The following UGT1A9 variants were observed in gnomAD, a reference collection of about 807,000 sequenced individuals.
UGT1A9 encodes the protein UDP-glucuronosyltransferase 1A9.
UGT1A9 carries 35 observed loss-of-function variants against 45.0 expected under a neutral mutation model. That is an observed-to-expected ratio of 0.78 (90% CI 0.59 to 1.03). The LOEUF is 1.03. Ranked by LOEUF, UGT1A9 falls within the 50% of genes least tolerant of loss-of-function variation. UGT1A9 has a pLI of 0.00. For synonymous variants in UGT1A9, 278 were observed against 250.6 expected, an observed-to-expected ratio of 1.11 and a Z score of -1.03; for missense variants, 687 against 666.6, an observed-to-expected ratio of 1.03 and a Z score of -0.34.
At chr2:233,692,597 A>T (rs1335313485) in intron 1 of UGT1A9, among the ~76,000 whole-genome samples, 3 of 152,220 alleles carry the variant, frequency 2.0e-5, no homozygotes, top group African/African-American at 7.2e-5. Context: ...TCCGTGTGCA[A>T]GAAAAATTCC....
At chr2:233,738,596 A>G (rs545904932) in intron 1 of UGT1A9, among the ~76,000 whole-genome samples, 1 of 152,336 alleles carries the variant, frequency 6.6e-6, no homozygotes, top group East Asian at 1.9e-4. Flanking sequence ...CACTCTTGCT[A>G]AGCTTTAGCA....
rs1393743923 is a variant in UGT1A9, at chr2:233,745,878, T to C, written c.856-21156T>C. 2.0e-5 allele frequency among the ~76,000 whole-genome samples: 3 copies of C among 150,678 alleles called. 1 individual carries two copies. Among genetic ancestry groups the C allele is most frequent in the African/African-American group, 7.4e-5 (3 of 40,514 alleles). On this transcript the variant is annotated intron_variant, in intron 1 of 4. Transcript: ENST00000354728. ...AAGCTGCTGACCAAGGTTCCAGAAGTGTTGGTGGGGTGGCGTTTTTCAGGG... is the reference window on the plus strand; with the variant it reads ...AAGCTGCTGACCAAGGTTCCAGAAGCGTTGGTGGGGTGGCGTTTTTCAGGG...
chr2:233,672,831 T>A (rs1156523567), intron 1 of UGT1A9, 42 bp downstream of exon 1: 1 of 1,559,894 alleles, frequency 6.4e-7, no homozygotes, highest in Middle Eastern at 1.7e-4. Flanking sequence ...TACTTCACCT[T>A]TGGAAATTAA....
At chr2:233,711,907 T>C (rs1300995032) in intron 1 of UGT1A9, among the ~76,000 whole-genome samples, 1 of 152,214 alleles carries the variant, frequency 6.6e-6, no homozygotes, top group Non-Finnish European at 1.5e-5. Context: ...GTGAGACCAT[T>C]GTGAGTGCTC....
chr2:233,755,324 A>G lies in UGT1A9; in HGVS notation c.856-11710A>G, dbSNP rs539104570. On this transcript the variant is annotated intron_variant, in intron 1 of 4. Transcript: ENST00000354728. Reference sequence around the variant, plus strand: ...TGGCACAGCGAGCGGCAAGGCTGCCAGCACCCGCGCACAGGTCAGAGGCTT... The same window carrying G: ...TGGCACAGCGAGCGGCAAGGCTGCCGGCACCCGCGCACAGGTCAGAGGCTT... 5.9e-4 allele frequency: 289 copies of G among 488,866 alleles called. 2 individuals are homozygous for G. The highest frequency in any genetic ancestry group is 5.4e-3 in the African/African-American group (267 of 49,540). The allele number at this position is 488,866 out of a possible 1,614,324, so 30.3% of individuals were successfully genotyped here.
chr2:233,700,007 A>T (rs965414411), intron 1 of UGT1A9, among the ~76,000 whole-genome samples: 5 of 152,204 alleles, frequency 3.3e-5, no homozygotes, highest in Admixed American at 1.3e-4. Context: ...TCAAAATGTC[A>T]CGAGTGCTGA....
chr2:233,708,982 G>C (rs1269882270), intron 1 of UGT1A9, among the ~76,000 whole-genome samples: 2 of 151,916 alleles, frequency 1.3e-5, no homozygotes, highest in East Asian at 3.9e-4. Flanking sequence ...CTGTTTCCTC[G>C]GCCGTGGCAT....
Position 233,748,426 on chromosome 2 carries a change from G to A in UGT1A9, c.856-18608G>A, listed in dbSNP as rs1479085626. Among the ~76,000 whole-genome samples the A allele has an allele frequency of 3.3e-5, 5 of 151,758 alleles. 1 individual carries two copies. The highest frequency in any genetic ancestry group is 7.3e-5 in the African/African-American group (3 of 41,072). ...CACTACATTGAGACTTGACCCATCTGGATTTTTTGTTTGCACAATTTTCAG... is the reference window on the plus strand; with the variant it reads ...CACTACATTGAGACTTGACCCATCTAGATTTTTTGTTTGCACAATTTTCAG... On this transcript the variant is annotated intron_variant, in intron 1 of 4. Transcript: ENST00000354728.
intron 1 of UGT1A9, chr2:233,760,520 C>T (rs779218106): frequency 6.8e-6 from 11 of 1,614,230 alleles, no homozygotes; most frequent in South Asian, 5.5e-5. Context: ...ACCTTGAAGA[C>T]GTACCCTGTG....
chr2:233,714,908 G>A (rs149876180), intron 1 of UGT1A9, among the ~76,000 whole-genome samples: 2,802 of 146,068 alleles, frequency 0.019, 40 homozygotes, highest in South Asian at 0.029. Context: ...ATGGAGTCTT[G>A]CTCTGTCACC....
At chr2:233,695,221 G>A (rs1260804577) in intron 1 of UGT1A9, among the ~76,000 whole-genome samples, 1 of 150,756 alleles carries the variant, frequency 6.6e-6, no homozygotes, top group Admixed American at 6.6e-5. Flanking sequence ...CACCTCCTGG[G>A]TTCAAGCGAT....
intron 1 of UGT1A9, chr2:233,693,614 AC>A: frequency 6.2e-7 from 1 of 1,614,168 alleles, no homozygotes; most frequent in Non-Finnish European, 8.5e-7. Flanking sequence ...AGACCACATG[AC>A]TTTTTCCCAA....
intron 1 of UGT1A9, among the ~76,000 whole-genome samples, chr2:233,723,516 CT>C (rs1162916866): frequency 0.039 from 3,290 of 85,380 alleles, 164 homozygotes; most frequent in African/African-American, 0.1. Flanking sequence ...GGTCAACAAT[CT>C]TTTTTTTTTT....
chr2:233,679,038 A>G (rs143783350), intron 1 of UGT1A9, among the ~76,000 whole-genome samples: 2 of 152,298 alleles, frequency 1.3e-5, no homozygotes, highest in African/African-American at 4.8e-5. Flanking sequence ...GACTTTCATG[A>G]CATTCTCTAT....
Position 233,767,016 on chromosome 2 carries a change from T to A in UGT1A9, c.856-18T>A, listed in dbSNP as rs182710200. ...AATATGAGAAAAAATTAACTGAAAATTTTTCTTCTGGCTCTAGGAATTTGA... is the reference window on the plus strand; with the variant it reads ...AATATGAGAAAAAATTAACTGAAAAATTTTCTTCTGGCTCTAGGAATTTGA... On this transcript the variant is annotated intron_variant, in intron 1 of 4. Transcript: ENST00000354728. 2.5e-5 allele frequency: 40 copies of A among 1,613,838 alleles called. No individual in the cohort carries two copies. The Middle Eastern group carries it at 6.6e-4, about 27-fold the overall frequency.
At chr2:233,704,682 G>A (rs966560618) in intron 1 of UGT1A9, among the ~76,000 whole-genome samples, 2 of 152,060 alleles carry the variant, frequency 1.3e-5, no homozygotes, top group Non-Finnish European at 2.9e-5. Flanking sequence ...ATGGATCTGA[G>A]TTACCTTATG....
At chr2:233,718,746 TA>T in intron 1 of UGT1A9, 8 of 1,612,108 alleles carry the variant, frequency 5.0e-6, no homozygotes, top group Non-Finnish European at 5.9e-6. Flanking sequence ...AATGACAAGG[TA>T]ATTAAGGCGA....
Position 233,773,040 on chromosome 2 carries a change from C to T in UGT1A9, c.*481C>T, listed in dbSNP as rs1347868003. On this transcript the variant is annotated 3_prime_UTR_variant, in exon 5 of 5. Coordinates refer to ENST00000354728, the MANE Select transcript of UGT1A9 (RefSeq NM_021027.3). ...ACCTTGTGTGTTTAAAGAAGGGAAGCTTTGTACCTTTAGAGTGTAGGTGAA... is the reference window on the plus strand; with the variant it reads ...ACCTTGTGTGTTTAAAGAAGGGAAGTTTTGTACCTTTAGAGTGTAGGTGAA... The T allele has an allele frequency of 5.1e-6, 1 of 194,624 alleles. No individual in the cohort carries two copies. Among genetic ancestry groups the T allele is most frequent in the Non-Finnish European group, 1.1e-5 (1 of 93,038 alleles). 12.1% of individuals were successfully genotyped at this position (194,624 alleles called of 1,614,324 possible).
intron 1 of UGT1A9, chr2:233,691,019 G>A (rs149229244): frequency 8.9e-5 from 88 of 992,638 alleles, no homozygotes; most frequent in Non-Finnish European, 1.0e-4. Flanking sequence ...GGCTGTGGTT[G>A]GAAGGGCTCA....
Sources: gnomAD v4.1 joint callset for allele counts (sites outside exome capture counted in the v4.1 genomes callset) on GRCh38, gnomAD v4.1.1 for gene constraint, MANE v1.5 for transcripts, NCBI Gene and HGNC (gene_info 2026-07-23, HGNC 2026-07-21) for gene names.